Variants in AP3B1 observed in about 807,000 individuals in gnomAD.
The protein encoded by AP3B1 is AP-3 complex subunit beta-1.
Under a neutral mutation model 132.5 loss-of-function variants are expected in AP3B1, and 61 were observed. The observed-to-expected ratio is 0.46, with a 90% CI of 0.37 to 0.57. AP3B1 has a LOEUF of 0.57. Among genes scored for constraint, AP3B1 ranks in the 20% least tolerant of loss-of-function variants. The pLI, the probability that AP3B1 is intolerant of heterozygous loss-of-function variation, is 0.00. For missense variants in AP3B1, 1,120 were observed against 1,289.4 expected (o/e 0.87, Z 2.01); for synonymous variants, 388 against 438.3 (o/e 0.89, Z 1.43).
chr5:78,267,651 T>A, intron 1 of AP3B1, 56 bp from the exon 2 acceptor site: 1 of 1,033,786 alleles, frequency 9.7e-7, no homozygotes, highest in Non-Finnish European at 1.5e-6. Context: ...TTAGATAGCT[T>A]AAAATATATC....
At chr5:78,244,927 G>A (rs186264806) in intron 2 of AP3B1, among the ~76,000 whole-genome samples, 30 of 152,108 alleles carry the variant, frequency 2.0e-4, no homozygotes, top group East Asian at 1.9e-3. Context: ...CCCAGGAGGC[G>A]AAGGTTATAG....
At chr5:78,092,292 A>G (rs1044153590) in intron 21 of AP3B1, among the ~76,000 whole-genome samples, 1 of 152,216 alleles carries the variant, frequency 6.6e-6, no homozygotes, top group Admixed American at 6.5e-5. Flanking sequence ...CTGTTTTTTA[A>G]AAAAGGATGG....
At chr5:78,238,512 T>A (rs1185533381) in intron 3 of AP3B1, among the ~76,000 whole-genome samples, 1 of 152,152 alleles carries the variant, frequency 6.6e-6, no homozygotes, top group East Asian at 1.9e-4. Context: ...CGTTGGGGAC[T>A]ACTGATATAG....
intron 7 of AP3B1, among the ~76,000 whole-genome samples, chr5:78,202,552 A>AGTGTGTGT (rs36209977): frequency 0.084 from 12,221 of 145,986 alleles, 630 homozygotes; most frequent in Non-Finnish European, 0.11. Flanking sequence ...CCATATATTC[A>AGTGTGTGT]GTGTGTGTGT....
intron 21 of AP3B1, among the ~76,000 whole-genome samples, chr5:78,099,285 C>G (rs1004489130): frequency 1.3e-5 from 2 of 152,148 alleles, no homozygotes; most frequent in Non-Finnish European, 2.9e-5. Flanking sequence ...GGGACTAGGA[C>G]AGTGTGTAAG....
At chr5:78,193,968 C>T (rs972955011) in intron 7 of AP3B1, among the ~76,000 whole-genome samples, 1 of 151,406 alleles carries the variant, frequency 6.6e-6, no homozygotes, top group Non-Finnish European at 1.5e-5. Flanking sequence ...GGGGTTTCAC[C>T]GTGTTAGCCA....
intron 2 of AP3B1, among the ~76,000 whole-genome samples, chr5:78,253,661 A>C (rs189083421): frequency 1.3e-5 from 2 of 152,334 alleles, no homozygotes; most frequent in East Asian, 3.9e-4. Context: ...AGATCAGAGA[A>C]GGAATTAAGA....
At chr5:78,072,028 A>G (rs986040446) in intron 22 of AP3B1, among the ~76,000 whole-genome samples, 1 of 152,226 alleles carries the variant, frequency 6.6e-6, no homozygotes, top group African/African-American at 2.4e-5. Context: ...TCAAATCTTC[A>G]GTGAAAATAT....
intron 7 of AP3B1, among the ~76,000 whole-genome samples, chr5:78,189,685 C>T (rs1017613140): frequency 2.6e-5 from 4 of 151,928 alleles, no homozygotes; most frequent in African/African-American, 9.7e-5. Flanking sequence ...ACCTGCCCAA[C>T]ATGGTGAAAC....
intron 17 of AP3B1, among the ~76,000 whole-genome samples, 189 bp downstream of exon 17, chr5:78,127,841 T>C (rs1481757949): frequency 6.6e-6 from 1 of 152,118 alleles, no homozygotes; most frequent in Non-Finnish European, 1.5e-5. Flanking sequence ...GAACAGTACA[T>C]GTACAATGGC....
chr5:78,128,428 G>GAA (rs1752555559), intron 16 of AP3B1, among the ~76,000 whole-genome samples: 1 of 152,208 alleles, frequency 6.6e-6, no homozygotes, highest in East Asian at 1.9e-4. Flanking sequence ...ACTTTACTGT[G>GAA]AATATTAAGA....
intron 22 of AP3B1, among the ~76,000 whole-genome samples, chr5:78,075,341 G>T (rs945201962): frequency 6.6e-6 from 1 of 152,166 alleles, no homozygotes; most frequent in Admixed American, 6.5e-5. Flanking sequence ...CAGATGGAGT[G>T]AATCAGATAC....
At chr5:78,086,181 T>G (rs1750241512) in intron 22 of AP3B1, among the ~76,000 whole-genome samples, 2 of 152,198 alleles carry the variant, frequency 1.3e-5, no homozygotes, top group African/African-American at 2.4e-5. Flanking sequence ...CACTCTTTTT[T>G]CTTTAAAGTA....
At chr5:78,013,476 T>A (rs1746706889) in intron 26 of AP3B1, among the ~76,000 whole-genome samples, 2 of 152,204 alleles carry the variant, frequency 1.3e-5, no homozygotes, top group African/African-American at 4.8e-5. Context: ...GCATAAACAG[T>A]GGCTACTCTA....
intron 21 of AP3B1, among the ~76,000 whole-genome samples, chr5:78,096,646 G>A (rs1427645888): frequency 4.0e-5 from 6 of 151,304 alleles, no homozygotes; most frequent in South Asian, 4.2e-4. Context: ...TGTGAGGAGC[G>A]CCTCTGCCCG....
At chr5:78,097,878 C>T (rs1246272514) in intron 21 of AP3B1, among the ~76,000 whole-genome samples, 2 of 152,330 alleles carry the variant, frequency 1.3e-5, no homozygotes, top group Middle Eastern at 3.4e-3. Context: ...CGGATGGTTG[C>T]GGTGTCTGTG....
chr5:78,219,391 C>T (rs2112481475), intron 6 of AP3B1, among the ~76,000 whole-genome samples: 1 of 152,044 alleles, frequency 6.6e-6, no homozygotes, highest in Non-Finnish European at 1.5e-5. Context: ...AAAATAAATT[C>T]ATACGTGAAC....
At chr5:78,067,797 A>T (rs1244935758) in intron 22 of AP3B1, among the ~76,000 whole-genome samples, 3 of 152,218 alleles carry the variant, frequency 2.0e-5, no homozygotes, top group Non-Finnish European at 4.4e-5. Flanking sequence ...CTAAATGCCC[A>T]CATCAAAAAG....
chr5:78,110,642 A>C (rs910362765), intron 19 of AP3B1, among the ~76,000 whole-genome samples: 4 of 151,920 alleles, frequency 2.6e-5, no homozygotes, highest in South Asian at 2.1e-4. Context: ...CGTTAAAGAT[A>C]TTTAGGCTGA....
Sources: allele counts gnomAD v4.1 joint callset (sites outside exome capture counted in the v4.1 genomes callset), GRCh38; gene constraint gnomAD v4.1.1; transcripts MANE v1.5; gene names NCBI Gene and HGNC (gene_info 2026-07-23, HGNC 2026-07-21).